GNPDA1: variants seen among roughly 807,000 people sequenced by gnomAD.
The protein encoded by GNPDA1 is GNPDA 1.
In GNPDA1, 24 loss-of-function variants were observed where a neutral mutation model predicts 28.5. The ratio of observed to expected loss-of-function variants is 0.84; its 90% CI spans 0.61 to 1.19. The LOEUF (loss-of-function observed/expected upper bound fraction) is 1.19, where lower values mean the gene tolerates loss of function less well. Among genes scored for constraint, GNPDA1 ranks in the 50% most tolerant of loss-of-function variants. The probability of loss-of-function intolerance (pLI) is 0.00; values close to 1 mark genes in which losing one functional copy is unlikely to be tolerated. For missense variants in GNPDA1, 264 were observed against 367.3 expected, an observed-to-expected ratio of 0.72 and a Z score of 2.30; for synonymous variants, 147 against 139.3, an observed-to-expected ratio of 1.06 and a Z score of -0.39.
intron 2 of GNPDA1, 32 bp from the exon 3 acceptor site, chr5:142,007,932 T>C (rs1486635038): frequency 8.0e-7 from 1 of 1,252,652 alleles, no homozygotes; most frequent in Non-Finnish European, 1.2e-6. Flanking sequence ...TGAACACCCC[T>C]TGCACCCCAA....
chr5:142,010,720 C>T (rs1223220456), intron 2 of GNPDA1, among the ~76,000 whole-genome samples: 1 of 150,352 alleles, frequency 6.7e-6, no homozygotes, highest in African/African-American at 2.5e-5. Flanking sequence ...TGCCATGTTG[C>T]CCAGGCTAAT....
At chr5:142,012,091 G>A in intron 1 of GNPDA1, 50 bp from the exon 2 acceptor site, 1 of 1,541,508 alleles carries the variant, frequency 6.5e-7, no homozygotes, top group Non-Finnish European at 8.9e-7. Flanking sequence ...GTAAGGGGCA[G>A]AGAAAGAGAT....
chr5:142,010,998 A>G (rs773653061), intron 2 of GNPDA1, among the ~76,000 whole-genome samples: 3 of 151,808 alleles, frequency 2.0e-5, no homozygotes, highest in African/African-American at 7.3e-5. Flanking sequence ...CCCAGACTGG[A>G]GTACAGTGAC....
intron 2 of GNPDA1, 99 bp downstream of exon 2, chr5:142,011,813 C>G (rs764101485): frequency 7.4e-7 from 1 of 1,356,850 alleles, no homozygotes; most frequent in African/African-American, 1.4e-5. Context: ...ACCCCAGAGC[C>G]CCCGTGAAGT....
At chr5:142,004,450 A>G (rs191361778) in intron 5 of GNPDA1, among the ~76,000 whole-genome samples, 3 of 152,258 alleles carry the variant, frequency 2.0e-5, no homozygotes, top group African/African-American at 7.2e-5. Flanking sequence ...TTTAGGGGAA[A>G]AGCTAAATTC....
In GNPDA1 at chr5:142,007,869, C is replaced by G. The variant is rs752058490; in HGVS notation, c.156G>C (p.Leu52=). ...GSTPLGCYKK[L]IEYYKNGDLS... ...GGTCCCCATTCTTATAGTATTCAATCAGCTTCTTGTAGCAGCCAAGTGGGG... is the reference window on the plus strand; with the variant it reads ...GGTCCCCATTCTTATAGTATTCAATGAGCTTCTTGTAGCAGCCAAGTGGGG... Residue 52 remains leucine (L), a synonymous_variant, in exon 3 of 7, where the codon CTG becomes CTC. Coordinates refer to ENST00000311337, the MANE Select transcript of GNPDA1 (RefSeq NM_005471.5). 1.1e-5 allele frequency: 18 copies of G among 1,612,590 alleles called. No homozygotes were observed. Among genetic ancestry groups the G allele is most frequent in the Middle Eastern group, 1.6e-4 (1 of 6,084 alleles).
intron 1 of GNPDA1, chr5:142,012,330 C>A: frequency 3.7e-6 from 1 of 269,474 alleles, no homozygotes; most frequent in Middle Eastern, 1.1e-3. Flanking sequence ...TCTCTCTGAG[C>A]CGTTTCCTCC....
In GNPDA1 at chr5:142,003,264, T is replaced by G; in HGVS notation, c.595-2A>C. On this transcript the variant is annotated splice_acceptor_variant, in intron 5 of 6. Coordinates refer to ENST00000311337, the MANE Select transcript of GNPDA1 (RefSeq NM_005471.5). LOFTEE classifies it high-confidence loss of function. The surrounding 1 kb of genome is among the most constrained non-coding windows in gnomAD (Gnocchi z 4.0). ...AGCACCTGTGATAAGGATCATCACC[T>G]GGGGATCAGAAAACAAGTCTGTGAT... 1 of 1,604,518 alleles carries G rather than the reference T, an allele frequency of 6.2e-7. No individual in the cohort carries two copies. The highest frequency in any genetic ancestry group is 8.5e-7 in the Non-Finnish European group (1 of 1,173,434).
rs1390409567 is a variant in GNPDA1, at chr5:142,004,911, G to A, written c.594+21C>T. ...AAGACAAGTCCACCAGCGCAAGCTG[G>A]TGGGGCCCTTATGCCCTTACCTCTC... On this transcript the variant is annotated intron_variant, in intron 5 of 6. Transcript: ENST00000311337. 8 of 1,547,420 alleles carry A rather than the reference G, an allele frequency of 5.2e-6. No homozygotes were observed. The East Asian group carries it at 1.8e-4, about 35-fold the overall frequency.
At chr5:142,011,593 T>C (rs1755956439) in intron 2 of GNPDA1, among the ~76,000 whole-genome samples, 1 of 152,232 alleles carries the variant, frequency 6.6e-6, no homozygotes, top group South Asian at 2.1e-4. Context: ...ATAAAATGAA[T>C]GCCTTAGGGT....
At position 142,012,060 on chromosome 5, in the gene GNPDA1, G is replaced by C. The variant is rs1372343710; in HGVS notation, c.-6-19C>G. 30 of 1,575,902 alleles carry C rather than the reference G, an allele frequency of 1.9e-5. No individual in the cohort carries two copies. Among genetic ancestry groups the C allele is most frequent in the Non-Finnish European group, 2.5e-5 (29 of 1,149,994 alleles). The stretch of plus-strand genomic sequence containing the variant: ...TCTTGTCCTGCAGTGGGGGAGAGGG[G>C]ATGACAGAAAGGAATCAATGGTAAG... On this transcript the variant is annotated intron_variant, in intron 1 of 6. Transcript: ENST00000311337.
In GNPDA1 at chr5:142,003,437, T is replaced by C. The variant is rs1324313766; in HGVS notation, c.595-175A>G. 6.6e-6 allele frequency among the ~76,000 whole-genome samples: 1 copy of C among 152,224 alleles called. No individual in the cohort carries two copies. The highest frequency in any genetic ancestry group is 1.9e-4 in the East Asian group (1 of 5,202). On this transcript the variant is annotated intron_variant, in intron 5 of 6. Coordinates refer to ENST00000311337, the MANE Select transcript of GNPDA1 (RefSeq NM_005471.5). The surrounding 1 kb of genome is among the most constrained non-coding windows in gnomAD (Gnocchi z 4.0). The stretch of plus-strand genomic sequence containing the variant: ...ACCCGAGGCAGGCAGCATCATTATC[T>C]CCATCTTATAAGAAAACAGAGCCCC...
intron 4 of GNPDA1, 30 bp from the exon 5 acceptor site, chr5:142,005,146 C>A: frequency 6.5e-7 from 1 of 1,538,578 alleles, no homozygotes; most frequent in South Asian, 1.1e-5. Flanking sequence ...GCAGCCCTGT[C>A]AGTCCCAGGG....
At chr5:142,006,460 C>T (rs570228649) in intron 3 of GNPDA1, 134 bp from the exon 4 acceptor site, 6 of 624,934 alleles carry the variant, frequency 9.6e-6, no homozygotes, top group South Asian at 7.6e-5. Context: ...TAGGCACCAG[C>T]CCTCTGACCC....
chr5:142,002,077 C>T lies in GNPDA1; in HGVS notation c.822G>A (p.Glu274=). Residue 274 remains glutamate, a synonymous_variant, in exon 7 of 7, where the codon GAG becomes GAA. Coordinates refer to ENST00000311337, the MANE Select transcript of GNPDA1 (RefSeq NM_005471.5). ...AAGATTGGCTTTTCTCAGTTTCTTT[C>T]TCTTTGATACTGTACAAGGGGTCCA... ...KLVDPLYSIK[E]KETEKSQSSK... 1 of 1,606,594 alleles carries T rather than the reference C, an allele frequency of 6.2e-7. No homozygotes were observed. Among genetic ancestry groups the T allele is most frequent in the Non-Finnish European group, 8.5e-7 (1 of 1,173,354 alleles).
chr5:142,011,659 G>A (rs1755958515), intron 2 of GNPDA1, among the ~76,000 whole-genome samples: 1 of 152,158 alleles, frequency 6.6e-6, no homozygotes, highest in African/African-American at 2.4e-5. Flanking sequence ...TTAGGATGTA[G>A]CCTAAAAATC....
chr5:142,005,151 C>T (rs1755772271), intron 4 of GNPDA1, 35 bp from the exon 5 acceptor site: 3 of 1,506,268 alleles, frequency 2.0e-6, no homozygotes, highest in African/African-American at 1.4e-5. Context: ...CCTGTCAGTC[C>T]CAGGGATCCA....
At position 142,004,854 on chromosome 5, in the gene GNPDA1, G is replaced by T. The variant is rs2232199; in HGVS notation, c.594+78C>A. The T allele has an allele frequency of 2.8e-3, 2,523 of 899,804 alleles. 42 individuals carry two copies. The African/African-American group carries it at 0.037, about 13-fold the overall frequency. The allele number at this position is 899,804 out of a possible 1,614,324, so 55.7% of individuals were successfully genotyped here. A position where few individuals can be genotyped will look rare whatever the true frequency, so the allele number is the denominator to read the frequency against. ...GCCTTCATCTTTAATAAGAATGTAG[G>T]TGGTACCAGTATAGTTAAGATTAAC... On this transcript the variant is annotated intron_variant, in intron 5 of 6. Coordinates refer to ENST00000311337, the MANE Select transcript of GNPDA1 (RefSeq NM_005471.5).
At position 142,012,018 on chromosome 5, in the gene GNPDA1, C is replaced by T. The variant is rs755996745; in HGVS notation, c.18G>A (p.Leu6=). ...ACTCGCTCGCCTGAGAATAGTGCTC[C>T]AGGATGATGAGCTTCATCTTGTCCT... is the stretch of plus-strand genomic sequence containing the variant. MKLII[L]EHYSQASEWA... is the part of the protein sequence containing the mutation. The change falls in exon 2 of 7, where the codon CTG becomes CTA. Residue 6 remains leucine (L), a synonymous_variant. Transcript: ENST00000311337. 26 of 1,603,554 alleles carry T rather than the reference C, an allele frequency of 1.6e-5. 1 individual carries two copies. The South Asian group carries it at 2.8e-4, about 17-fold the overall frequency.
Sources: gnomAD v4.1 joint callset for allele counts (sites outside exome capture counted in the v4.1 genomes callset) on GRCh38, gnomAD v4.1.1 for gene constraint, Gnocchi (gnomAD v3.1) non-coding constraint, MANE v1.5 for transcripts, NCBI Gene and HGNC (gene_info 2026-07-23, HGNC 2026-07-21) for gene names.